Variants in GALNT17 observed in about 807,000 individuals in gnomAD.
GALNT17 encodes the protein UDP-GalNAc:polypeptide N-acetylgalactosaminyltransferase-like 3.
Under a neutral mutation model 63.7 loss-of-function variants are expected in GALNT17, and 29 were observed. The ratio of observed to expected loss-of-function variants is 0.46; its 90% CI spans 0.34 to 0.62. The LOEUF is 0.62. GALNT17 is among the 20% of genes least tolerant of loss of function. The pLI is 0.01. For synonymous variants in GALNT17, 305 were observed against 318.3 expected (o/e 0.96, Z 0.45); for missense variants, 603 against 799.6 (o/e 0.75, Z 2.97).
intron 1 of GALNT17, among the ~76,000 whole-genome samples, chr7:71,274,511 C>T (rs550888525): frequency 6.6e-6 from 1 of 152,168 alleles, no homozygotes; most frequent in African/African-American, 2.4e-5. Flanking sequence ...AAGTCCTGGC[C>T]TCAAGCAGTC....
At chr7:71,473,629 C>T (rs1787677278) in intron 5 of GALNT17, among the ~76,000 whole-genome samples, 1 of 151,988 alleles carries the variant, frequency 6.6e-6, no homozygotes, top group South Asian at 2.1e-4. Flanking sequence ...GAGGCTTGTC[C>T]ATCCTTTCTT....
chr7:71,458,201 A>G (rs1436462362), intron 5 of GALNT17, among the ~76,000 whole-genome samples: 3 of 152,186 alleles, frequency 2.0e-5, no homozygotes, highest in Admixed American at 6.5e-5. Context: ...GCAGAATAAC[A>G]TCTAATTGGT....
intron 5 of GALNT17, among the ~76,000 whole-genome samples, chr7:71,458,265 A>G (rs560027021): frequency 1.7e-4 from 26 of 152,176 alleles, no homozygotes; most frequent in Non-Finnish European, 3.4e-4. Context: ...ATTAACAACT[A>G]CATCGAAACA....
chr7:71,281,549 T>C (rs1790776986), intron 1 of GALNT17, among the ~76,000 whole-genome samples: 2 of 152,206 alleles, frequency 1.3e-5, no homozygotes, highest in African/African-American at 2.4e-5. Context: ...GCAGGATCCA[T>C]GGGCGGCTTC....
chr7:71,296,714 AC>A (rs1039439908), intron 1 of GALNT17, among the ~76,000 whole-genome samples: 5 of 150,934 alleles, frequency 3.3e-5, no homozygotes, highest in Admixed American at 6.6e-5. Context: ...GAAAAAAAAA[AC>A]GTGTTTTTTT....
At chr7:71,287,799 C>A (rs1457116981) in intron 1 of GALNT17, among the ~76,000 whole-genome samples, 1 of 152,118 alleles carries the variant, frequency 6.6e-6, no homozygotes, top group Non-Finnish European at 1.5e-5. Flanking sequence ...CGCCTGTAAT[C>A]CCAGCACTTT....
chr7:71,708,590 A>C (rs1018358140), intron 9 of GALNT17, among the ~76,000 whole-genome samples: 4 of 152,184 alleles, frequency 2.6e-5, no homozygotes, highest in African/African-American at 7.2e-5. Flanking sequence ...AGAGGAGTAC[A>C]TATATAGGTT....
Position 71,697,065 on chromosome 7 carries a change from C to A in GALNT17, c.1501-13696C>A, listed in dbSNP as rs76986998. Among the ~76,000 whole-genome samples, 1,511 of 152,182 alleles carry A rather than the reference C, an allele frequency of 9.9e-3. 27 individuals carry two copies. Among genetic ancestry groups the A allele is most frequent in the African/African-American group, 0.035 (1,435 of 41,518 alleles). ...ATACAGGGAAGGCAGGCTGGACGGTCAGCTGTTGTTGAGAAACCTCATATC... is the reference window on the plus strand; with the variant it reads ...ATACAGGGAAGGCAGGCTGGACGGTAAGCTGTTGTTGAGAAACCTCATATC... On this transcript the variant is annotated intron_variant, in intron 9 of 10. Transcript: ENST00000333538.
chr7:71,458,547 A>T (rs1215875189), intron 5 of GALNT17, among the ~76,000 whole-genome samples: 1 of 152,210 alleles, frequency 6.6e-6, no homozygotes, highest in African/African-American at 2.4e-5. Context: ...CTTAAATGTT[A>T]ACCAGCTCAG....
At chr7:71,691,887 T>TCTTC (rs35598652) in intron 9 of GALNT17, among the ~76,000 whole-genome samples, 146,911 of 149,942 alleles carry the variant, frequency 0.98, 72,030 homozygotes, top group Non-Finnish European at 1. Flanking sequence ...TTCCTTCCTT[T>TCTTC]CTTCCTTCCT....
At chr7:71,329,905 A>G (rs562832091) in intron 1 of GALNT17, among the ~76,000 whole-genome samples, 26 of 132,422 alleles carry the variant, frequency 2.0e-4, no homozygotes, top group African/African-American at 4.8e-4. Context: ...ATATATATGT[A>G]TATATATATG....
intron 1 of GALNT17, among the ~76,000 whole-genome samples, chr7:71,163,405 A>C (rs1318613347): frequency 6.6e-6 from 1 of 152,202 alleles, no homozygotes; most frequent in Non-Finnish European, 1.5e-5. Flanking sequence ...AGAAGAGTAG[A>C]GAGGAAAGAC....
Position 71,340,620 on chromosome 7 carries a change from TAAC to T in GALNT17, c.422+4898_422+4900del, listed in dbSNP as rs1051746028. Among the ~76,000 whole-genome samples, 6 of 152,300 alleles carry T rather than the reference TAAC, an allele frequency of 3.9e-5. 1 individual carries two copies. The South Asian group carries it at 6.2e-4, about 16-fold the overall frequency. On this transcript the variant is annotated intron_variant, in intron 2 of 10. Transcript: ENST00000333538. ...GTAGAGTCTTTGTTATAAAAGATGT[TAAC>T]AACAACAACAGAAAACAGTAAACAG...
At chr7:71,430,857 A>G (rs1786848408) in intron 5 of GALNT17, among the ~76,000 whole-genome samples, 1 of 152,178 alleles carries the variant, frequency 6.6e-6, no homozygotes, top group South Asian at 2.1e-4. Context: ...TTTAAAATAG[A>G]GGTATCTTTC....
intron 1 of GALNT17, among the ~76,000 whole-genome samples, chr7:71,144,790 C>T (rs906211489): frequency 1.3e-5 from 2 of 152,070 alleles, no homozygotes; most frequent in African/African-American, 2.4e-5. Flanking sequence ...AGTGCAGTGG[C>T]ACATTTCATT....
At chr7:71,147,453 A>G (rs1788044273) in intron 1 of GALNT17, among the ~76,000 whole-genome samples, 1 of 152,060 alleles carries the variant, frequency 6.6e-6, no homozygotes, top group Non-Finnish European at 1.5e-5. Context: ...TGCCCATCCA[A>G]ATTAAGGGTG....
intron 1 of GALNT17, among the ~76,000 whole-genome samples, chr7:71,239,302 C>CCA (rs150018657): frequency 4.0e-5 from 6 of 151,092 alleles, no homozygotes; most frequent in African/African-American, 1.5e-4. Flanking sequence ...TGTACCCCCC[C>CCA]CCAAAAAAAA....
At chr7:71,358,633 G>A (rs1792336876) in intron 2 of GALNT17, among the ~76,000 whole-genome samples, 2 of 151,902 alleles carry the variant, frequency 1.3e-5, no homozygotes, top group Admixed American at 1.3e-4. Context: ...GGTAGTTTGT[G>A]GTTTTCTACT....
intron 1 of GALNT17, among the ~76,000 whole-genome samples, chr7:71,326,131 A>T (rs999695454): frequency 1.3e-5 from 2 of 152,078 alleles, no homozygotes; most frequent in Non-Finnish European, 2.9e-5. Flanking sequence ...CAGAAAAAAA[A>T]ATCCCCTTTG....
Sources: allele counts gnomAD v4.1 joint callset (sites outside exome capture counted in the v4.1 genomes callset), GRCh38; gene constraint gnomAD v4.1.1; transcripts MANE v1.5; gene names NCBI Gene and HGNC (gene_info 2026-07-23, HGNC 2026-07-21).